BTBD9: variants seen among roughly 807,000 people sequenced by gnomAD.
The protein encoded by BTBD9 is BTB domain containing 9, also known as BTB/POZ domain-containing protein 9.
In BTBD9, 49 loss-of-function variants were observed where a neutral mutation model predicts 64.3. The ratio of observed to expected loss-of-function variants is 0.76; its 90% CI spans 0.61 to 0.97. The LOEUF (loss-of-function observed/expected upper bound fraction) is 0.97, where lower values mean the gene tolerates loss of function less well. Ranked by LOEUF, BTBD9 falls within the 50% of genes least tolerant of loss-of-function variation. BTBD9 has a pLI of 0.00. For missense variants in BTBD9, 598 were observed against 762.1 expected, an observed-to-expected ratio of 0.78 and a Z score of 2.53; for synonymous variants, 260 against 274.7, an observed-to-expected ratio of 0.95 and a Z score of 0.53.
chr6:38,280,247 C>T (rs559850980), intron 8 of BTBD9, among the ~76,000 whole-genome samples: 92 of 152,276 alleles, frequency 6.0e-4, no homozygotes, highest in Admixed American at 1.5e-3. Context: ...GACTTCAGCA[C>T]CTACTGGGAA....
At chr6:38,259,654 G>A (rs1254979517) in intron 8 of BTBD9, among the ~76,000 whole-genome samples, 1 of 152,224 alleles carries the variant, frequency 6.6e-6, no homozygotes, top group Non-Finnish European at 1.5e-5. Context: ...CTGGCCTCAA[G>A]CTACCCTCTC....
intron 6 of BTBD9, among the ~76,000 whole-genome samples, chr6:38,521,812 T>C (rs1034871639): frequency 1.3e-5 from 2 of 152,136 alleles, no homozygotes; most frequent in Non-Finnish European, 2.9e-5. Context: ...GTAGCTGGGA[T>C]TATAGGCGCC....
At chr6:38,255,690 C>T (rs1764551523) in intron 9 of BTBD9, among the ~76,000 whole-genome samples, 1 of 152,098 alleles carries the variant, frequency 6.6e-6, no homozygotes, top group Admixed American at 6.5e-5. Flanking sequence ...TGAGTAACAG[C>T]ATAGTTAACG....
chr6:38,484,409 A>G (rs549040911), intron 6 of BTBD9, among the ~76,000 whole-genome samples: 1 of 152,338 alleles, frequency 6.6e-6, no homozygotes, highest in African/African-American at 2.4e-5. Flanking sequence ...GGGACTGACT[A>G]CTATTTGAGA....
chr6:38,247,867 C>G (rs1764264371), intron 9 of BTBD9, among the ~76,000 whole-genome samples: 2 of 152,082 alleles, frequency 1.3e-5, no homozygotes, highest in Admixed American at 6.5e-5. Flanking sequence ...TGCCACTCTG[C>G]CAGCATATGC....
intron 7 of BTBD9, among the ~76,000 whole-genome samples, chr6:38,315,565 A>AC (rs1363748454): frequency 6.6e-6 from 1 of 151,574 alleles, no homozygotes; most frequent in Non-Finnish European, 1.5e-5. Context: ...CTCTTCCTTG[A>AC]CCCACTGGTC....
chr6:38,228,991 G>A (rs550640473), intron 9 of BTBD9, among the ~76,000 whole-genome samples: 4 of 152,230 alleles, frequency 2.6e-5, no homozygotes, highest in African/African-American at 9.6e-5. Context: ...GAGGTCAGGA[G>A]TTCAAGACCA....
rs902043170 is a variant in BTBD9, at chr6:38,488,160, T to C, written c.1154+89440A>G. On this transcript the variant is annotated intron_variant, in intron 6 of 10. Coordinates refer to ENST00000481247, the MANE Select transcript of BTBD9 (RefSeq NM_001099272.2). ...TTTGTAGAGACAGTGTCTTGCTGTGTTGCTGGTCTTAACCTCCTGGCTTCA... is the reference window on the plus strand; with the variant it reads ...TTTGTAGAGACAGTGTCTTGCTGTGCTGCTGGTCTTAACCTCCTGGCTTCA... Among the ~76,000 whole-genome samples the C allele has an allele frequency of 3.9e-5, 6 of 152,168 alleles. No individual in the cohort carries two copies. In the East Asian group the frequency reaches 1.2e-3, roughly 29 times the overall value.
chr6:38,202,412 A>C (rs1296537843), intron 9 of BTBD9, among the ~76,000 whole-genome samples: 3 of 152,106 alleles, frequency 2.0e-5, no homozygotes, highest in Non-Finnish European at 2.9e-5. Context: ...AAACAGAAAA[A>C]AAAAATCCTA....
chr6:38,574,075 G>GAGGATAACTGGTC (rs1463927424), intron 6 of BTBD9, among the ~76,000 whole-genome samples: 1 of 152,200 alleles, frequency 6.6e-6, no homozygotes, highest in African/African-American at 2.4e-5. Context: ...AAAGGCTGAA[G>GAGGATAACTGGTC]AGGATAACTG....
chr6:38,348,064 G>A (rs1346443701), intron 6 of BTBD9, among the ~76,000 whole-genome samples: 1 of 152,066 alleles, frequency 6.6e-6, no homozygotes, highest in Non-Finnish European at 1.5e-5. Flanking sequence ...CATGAGCAAT[G>A]ACTGAAAGTG....
chr6:38,285,055 T>C (rs973008858), intron 8 of BTBD9, among the ~76,000 whole-genome samples: 1 of 152,134 alleles, frequency 6.6e-6, no homozygotes, highest in Non-Finnish European at 1.5e-5. Context: ...GTAAGTCAGA[T>C]AGCTCTTAAA....
chr6:38,184,384 T>A lies in BTBD9; in HGVS notation c.1641+8135A>T, dbSNP rs1014148125. 6.6e-6 allele frequency among the ~76,000 whole-genome samples: 1 copy of A among 152,206 alleles called. No homozygotes were observed. The highest frequency in any genetic ancestry group is 2.4e-5 in the African/African-American group (1 of 41,450). Reference sequence around the variant, plus strand: ...AACCTAAGTTTGTTTCCATTATTTCTATTCCCAAGCAGGTTTTCTTTGTGG... The same window carrying A: ...AACCTAAGTTTGTTTCCATTATTTCAATTCCCAAGCAGGTTTTCTTTGTGG... On this transcript the variant is annotated intron_variant, in intron 10 of 10. Transcript: ENST00000481247. The surrounding 1 kb of genome is among the most constrained non-coding windows in gnomAD (Gnocchi z 4.4).
At chr6:38,324,392 T>A (rs966273558) in intron 7 of BTBD9, among the ~76,000 whole-genome samples, 1 of 152,156 alleles carries the variant, frequency 6.6e-6, no homozygotes, top group African/African-American at 2.4e-5. Context: ...GGAATGCAAG[T>A]ATGGGTCATC....
At chr6:38,436,261 A>C (rs936557141) in intron 6 of BTBD9, among the ~76,000 whole-genome samples, 1 of 151,910 alleles carries the variant, frequency 6.6e-6, no homozygotes, top group Non-Finnish European at 1.5e-5. Context: ...TCTTAAATCC[A>C]AATCTCCCAC....
chr6:38,412,858 C>CAAAA (rs199651577), intron 6 of BTBD9, among the ~76,000 whole-genome samples: 1 of 21,756 alleles, frequency 4.6e-5, no homozygotes, highest in Non-Finnish European at 7.6e-5. Flanking sequence ...GACTCCATCT[C>CAAAA]AAAACAACAA....
intron 9 of BTBD9, among the ~76,000 whole-genome samples, chr6:38,227,445 C>T (rs1203900821): frequency 2.0e-5 from 3 of 152,312 alleles, no homozygotes; most frequent in South Asian, 2.1e-4. Flanking sequence ...AAGAGGCACA[C>T]AATGAGGTCT....
At chr6:38,482,168 C>A (rs1771182205) in intron 6 of BTBD9, 1 of 152,244 alleles carries the variant, frequency 6.6e-6, no homozygotes, top group Admixed American at 6.5e-5. Context: ...AGCCATCTCT[C>A]ATTAACATTT....
intron 6 of BTBD9, among the ~76,000 whole-genome samples, chr6:38,425,921 A>AACAC (rs1310961358): frequency 9.8e-6 from 1 of 102,258 alleles, no homozygotes. Context: ...TATCTCAAGA[A>AACAC]ACACATACAC....
Sources: allele counts gnomAD v4.1 joint callset (sites outside exome capture counted in the v4.1 genomes callset), GRCh38; gene constraint gnomAD v4.1.1; non-coding constraint Gnocchi (gnomAD v3.1); transcripts MANE v1.5; gene names NCBI Gene and HGNC (gene_info 2026-07-23, HGNC 2026-07-21).